KCNAB1: variants seen among roughly 807,000 people sequenced by gnomAD.
KCNAB1 encodes the protein voltage-gated potassium channel subunit beta-1.
In KCNAB1, 35 loss-of-function variants were observed where a neutral mutation model predicts 64.6. That is an observed-to-expected ratio of 0.54 (90% CI 0.41 to 0.72). KCNAB1 has a LOEUF of 0.72. KCNAB1 is among the 30% of genes least tolerant of loss of function. KCNAB1 has a pLI of 0.00. For missense variants in KCNAB1, 401 were observed against 512.9 expected (o/e 0.78, Z 2.11); for synonymous variants, 177 against 183.8 (o/e 0.96, Z 0.30).
At chr3:156,180,725 C>T (rs763428192) in intron 1 of KCNAB1, among the ~76,000 whole-genome samples, 4 of 152,022 alleles carry the variant, frequency 2.6e-5, no homozygotes, top group African/African-American at 7.3e-5. Context: ...TCCTGAAGAA[C>T]GAGGCGGGAT....
chr3:156,186,128 G>A (rs1713173487), intron 1 of KCNAB1, among the ~76,000 whole-genome samples: 1 of 152,186 alleles, frequency 6.6e-6, no homozygotes, highest in South Asian at 2.1e-4. Flanking sequence ...TTGCTGGGGG[G>A]CTCAATTCAA....
At chr3:156,147,038 G>A (rs190665371) in intron 1 of KCNAB1, among the ~76,000 whole-genome samples, 30 of 152,270 alleles carry the variant, frequency 2.0e-4, no homozygotes, top group Middle Eastern at 3.4e-3. Context: ...AAATTACAAA[G>A]AAGATAGAAA....
intron 1 of KCNAB1, among the ~76,000 whole-genome samples, chr3:156,139,895 A>C (rs1019194545): frequency 1.3e-5 from 2 of 152,184 alleles, no homozygotes; most frequent in African/African-American, 2.4e-5. Context: ...TACACTTGCA[A>C]GAGATGTATC....
At chr3:156,335,068 C>T (rs1238801417) in intron 1 of KCNAB1, among the ~76,000 whole-genome samples, 1 of 152,184 alleles carries the variant, frequency 6.6e-6, no homozygotes, top group African/African-American at 2.4e-5. Flanking sequence ...AAGGCTAAAA[C>T]CCCAGTGGCT....
rs533812453 is a variant in KCNAB1, at chr3:156,315,094, A to C, written c.276-106522A>C. Among the ~76,000 whole-genome samples the C allele has an allele frequency of 3.3e-5, 5 of 152,358 alleles. No homozygotes were observed. The East Asian group carries it at 9.6e-4, about 29-fold the overall frequency. ...TAAGCAAGAGGCAGGAAACTGGTACATACTTTGTCAATAGGACAATTGCAT... is the reference window on the plus strand; with the variant it reads ...TAAGCAAGAGGCAGGAAACTGGTACCTACTTTGTCAATAGGACAATTGCAT... On this transcript the variant is annotated intron_variant, in intron 1 of 13. Coordinates refer to ENST00000490337, the MANE Select transcript of KCNAB1 (RefSeq NM_172160.3).
At chr3:156,303,108 T>A (rs761401899) in intron 1 of KCNAB1, among the ~76,000 whole-genome samples, 14 of 152,182 alleles carry the variant, frequency 9.2e-5, no homozygotes, top group Non-Finnish European at 1.6e-4. Context: ...ATGTTTTAAA[T>A]CTGATGTAGT....
chr3:156,135,671 T>G (rs1412294805), intron 1 of KCNAB1, among the ~76,000 whole-genome samples: 1 of 152,222 alleles, frequency 6.6e-6, no homozygotes, highest in Non-Finnish European at 1.5e-5. Flanking sequence ...ATCACAAAAC[T>G]GAAAATATAA....
chr3:156,278,798 A>G (rs533874341), intron 1 of KCNAB1, among the ~76,000 whole-genome samples: 3 of 152,246 alleles, frequency 2.0e-5, no homozygotes, highest in Non-Finnish European at 2.9e-5. Flanking sequence ...CTCAGAGACA[A>G]AAGTTCAGCA....
intron 1 of KCNAB1, among the ~76,000 whole-genome samples, chr3:156,253,681 A>C (rs1717953841): frequency 6.6e-6 from 1 of 152,180 alleles, no homozygotes; most frequent in Non-Finnish European, 1.5e-5. Context: ...CTAAGAGTGA[A>C]ACTTGCTTTG....
chr3:156,155,117 C>T (rs990896545), intron 1 of KCNAB1, among the ~76,000 whole-genome samples: 2 of 152,190 alleles, frequency 1.3e-5, no homozygotes, highest in African/African-American at 4.8e-5. Flanking sequence ...ACATTGGTGA[C>T]ACTCTTTACA....
At chr3:156,264,243 G>C (rs754163280) in intron 1 of KCNAB1, among the ~76,000 whole-genome samples, 2 of 151,692 alleles carry the variant, frequency 1.3e-5, no homozygotes, top group African/African-American at 4.8e-5. Flanking sequence ...TGTTTGCATG[G>C]TCTATCTTTT....
At position 156,537,832 on chromosome 3, in the gene KCNAB1, A is replaced by T. The variant is rs1719160691; in HGVS notation, c.*1085A>T. On this transcript the variant is annotated 3_prime_UTR_variant, in exon 14 of 14. Coordinates refer to ENST00000490337, the MANE Select transcript of KCNAB1 (RefSeq NM_172160.3). ...TGTTTGGTATTTTTGAGGCATTGTT[A>T]ACATGAAAGTCAACCACTGGCTTTG... 1 of 152,576 alleles carries T rather than the reference A, an allele frequency of 6.6e-6. No homozygotes were observed. Among genetic ancestry groups the T allele is most frequent in the Non-Finnish European group, 1.5e-5 (1 of 68,044 alleles). 9.5% of individuals were successfully genotyped at this position (152,576 alleles called of 1,614,324 possible). A position where few individuals can be genotyped will look rare whatever the true frequency, so the allele number is the denominator to read the frequency against.
intron 1 of KCNAB1, among the ~76,000 whole-genome samples, chr3:156,220,046 C>A (rs4355235): frequency 1.3e-5 from 2 of 151,842 alleles, no homozygotes; most frequent in Admixed American, 6.6e-5. Context: ...AGGACATGAA[C>A]TCATCCTTTT....
intron 1 of KCNAB1, among the ~76,000 whole-genome samples, chr3:156,190,781 C>T (rs1289047579): frequency 6.6e-6 from 1 of 152,106 alleles, no homozygotes; most frequent in Non-Finnish European, 1.5e-5. Context: ...GCAAACTCCA[C>T]CTCCTAGGTT....
rs574055025 is a variant in KCNAB1 at position 156,515,141 on chromosome 3, G to A, written c.786G>A (p.Pro262=). ...CAAGACAGTTCAATATGATCCCACC[G>A]GTCTGTGAACAAGCTGAGTACCATC... The part of the protein sequence containing the change: ...SVARQFNMIP[P]VCEQAEYHLF... Residue 262 remains proline, a synonymous_variant, in exon 10 of 14, where the codon CCG becomes CCA. Coordinates refer to ENST00000490337, the MANE Select transcript of KCNAB1 (RefSeq NM_172160.3). 95 of 1,613,220 alleles carry A rather than the reference G, an allele frequency of 5.9e-5. 1 individual carries two copies. The highest frequency in any genetic ancestry group is 1.8e-4 in the East Asian group (8 of 44,846).
chr3:156,210,341 T>C (rs935005268), intron 1 of KCNAB1, among the ~76,000 whole-genome samples: 1 of 152,176 alleles, frequency 6.6e-6, no homozygotes, highest in Non-Finnish European at 1.5e-5. Flanking sequence ...TATACAGATC[T>C]CATTCTTAGT....
intron 12 of KCNAB1, among the ~76,000 whole-genome samples, chr3:156,529,553 T>G (rs1718552542): frequency 6.7e-6 from 1 of 150,200 alleles, no homozygotes; most frequent in South Asian, 2.1e-4. Flanking sequence ...CCTAGGAGTG[T>G]GTTAAAAATG....
At chr3:156,124,172 A>T (rs1016117404) in intron 1 of KCNAB1, among the ~76,000 whole-genome samples, 5 of 151,810 alleles carry the variant, frequency 3.3e-5, no homozygotes, top group Admixed American at 3.3e-4. Context: ...TCAGATTTTA[A>T]AAAACCATAT....
intron 1 of KCNAB1, among the ~76,000 whole-genome samples, chr3:156,219,684 G>A (rs529973502): frequency 2.0e-5 from 3 of 149,532 alleles, no homozygotes; most frequent in Non-Finnish European, 4.4e-5. Flanking sequence ...AAAAGCGAAG[G>A]AAGGAATCTT....
Sources: allele counts gnomAD v4.1 joint callset (sites outside exome capture counted in the v4.1 genomes callset), GRCh38; gene constraint gnomAD v4.1.1; transcripts MANE v1.5; gene names NCBI Gene and HGNC (gene_info 2026-07-23, HGNC 2026-07-21).